The following DPP6 variants were observed in gnomAD, a reference collection of about 807,000 sequenced individuals.
DPP6 encodes dipeptidyl peptidase like 6.
DPP6 carries 69 observed loss-of-function variants against 122.6 expected under a neutral mutation model. The observed-to-expected ratio is 0.56, with a 90% confidence interval of 0.46 to 0.69. The LOEUF (loss-of-function observed/expected upper bound fraction) is 0.69. DPP6 is among the 30% of genes least tolerant of loss of function. The probability of loss-of-function intolerance (pLI) is 0.00; values close to 1 mark genes in which losing one functional copy is unlikely to be tolerated. For synonymous variants in DPP6, 418 were observed against 433.1 expected (o/e 0.97, Z 0.43); for missense variants, 928 against 1,116.9 (o/e 0.83, Z 2.41).
the DPP6 span, among the ~76,000 whole-genome samples, chr7:153,876,308 A>G: frequency 6.6e-6 from 1 of 152,174 alleles, no homozygotes; most frequent in South Asian, 2.1e-4. Flanking sequence ...TAGTTGAAAA[A>G]TACAGAAATA....
At chr7:154,562,646 G>C (rs576411620) in intron 4 of DPP6, among the ~76,000 whole-genome samples, 2 of 152,110 alleles carry the variant, frequency 1.3e-5, no homozygotes, top group African/African-American at 4.8e-5. Flanking sequence ...GAAAAGAAAG[G>C]AAATACCTAT....
Position 154,761,762 on chromosome 7 carries a change from T to C in DPP6, c.884-7655T>C, listed in dbSNP as rs558460689. On this transcript the variant is annotated intron_variant, in intron 8 of 25. Transcript: ENST00000377770. ...ACTTTAAGTTCTAGGGTTTGTTACA[T>C]AGGTATACATGTGCCATGTTGGTGT... is the stretch of plus-strand genomic sequence containing the variant. 2.0e-5 allele frequency among the ~76,000 whole-genome samples: 3 copies of C among 152,234 alleles called. No individual in the cohort carries two copies. The East Asian group carries it at 5.8e-4, about 29-fold the overall frequency.
chr7:154,320,475 G>GTT (rs897766011), intron 1 of DPP6, among the ~76,000 whole-genome samples: 4 of 81,078 alleles, frequency 4.9e-5, no homozygotes, highest in Non-Finnish European at 1.3e-4. Flanking sequence ...ATTGTACTTT[G>GTT]TTTTTTTTTT....
chr7:154,098,683 G>T (rs1001751227), intron 1 of DPP6, among the ~76,000 whole-genome samples: 1 of 151,638 alleles, frequency 6.6e-6, no homozygotes, highest in Admixed American at 6.6e-5. Flanking sequence ...GGCAGAAGAA[G>T]GGTGGATATC....
chr7:154,322,059 A>ACCCCCAG (rs1808018499), intron 1 of DPP6, among the ~76,000 whole-genome samples: 1 of 113,344 alleles, frequency 8.8e-6, no homozygotes, highest in Non-Finnish European at 1.8e-5. Context: ...CCAACCCCCA[A>ACCCCCAG]CCCCCAGCTT....
intron 3 of DPP6, among the ~76,000 whole-genome samples, chr7:154,511,892 A>G (rs1051579716): frequency 2.6e-5 from 4 of 152,218 alleles, no homozygotes; most frequent in African/African-American, 9.6e-5. Context: ...TCCTAATAGA[A>G]TTTGTTAAAA....
At chr7:154,409,982 C>T (rs760206855) in intron 1 of DPP6, among the ~76,000 whole-genome samples, 2 of 152,188 alleles carry the variant, frequency 1.3e-5, no homozygotes, top group Non-Finnish European at 2.9e-5. Context: ...AAGAACATAA[C>T]ATTTAAGCAC....
chr7:154,703,721 A>G (rs1840660876), intron 7 of DPP6, among the ~76,000 whole-genome samples: 1 of 151,964 alleles, frequency 6.6e-6, no homozygotes, highest in Non-Finnish European at 1.5e-5. Context: ...GCAGATCATG[A>G]GGTCAGGAAT....
intron 16 of DPP6, among the ~76,000 whole-genome samples, chr7:154,807,817 A>G (rs1798794984): frequency 6.6e-6 from 1 of 152,276 alleles, no homozygotes; most frequent in African/African-American, 2.4e-5. Context: ...GTGAGACTCC[A>G]TCTCAAATGA....
Position 153,902,475 on chromosome 7 carries a change from G to A in DPP6, c.51+14741G>A, listed in dbSNP as rs1321544254. Reference sequence around the variant, plus strand: ...CCAGATCTTTGGGAACAAGATCCCCGGGTCATAAAGCTAACAAAAGCCCTC... The same window carrying A: ...CCAGATCTTTGGGAACAAGATCCCCAGGTCATAAAGCTAACAAAAGCCCTC... On this transcript the variant is annotated intron_variant, in intron 1 of 25. Coordinates refer to the DPP6 transcript ENST00000404039. Among the ~76,000 whole-genome samples the A allele has an allele frequency of 3.9e-5, 6 of 152,060 alleles. No homozygotes were observed. The East Asian group carries it at 5.8e-4, about 15-fold the overall frequency.
chr7:153,787,018 C>T, the DPP6 span, among the ~76,000 whole-genome samples: 2 of 147,248 alleles, frequency 1.4e-5, no homozygotes, highest in Middle Eastern at 3.5e-3. Context: ...GTGGTGCGAT[C>T]TCAGTTCACT....
At chr7:154,184,153 G>A (rs767695995) in intron 1 of DPP6, among the ~76,000 whole-genome samples, 6 of 151,676 alleles carry the variant, frequency 4.0e-5, no homozygotes, top group Non-Finnish European at 8.8e-5. Flanking sequence ...GCACAGTGAG[G>A]ACCCTCAGCA....
At chr7:153,985,500 C>A (rs1585132491) in intron 1 of DPP6, among the ~76,000 whole-genome samples, 1 of 152,180 alleles carries the variant, frequency 6.6e-6, no homozygotes, top group Admixed American at 6.5e-5. Context: ...TGTGACCAGC[C>A]AGCCTCCCAT....
chr7:154,837,385 C>T (rs571897931), intron 16 of DPP6, among the ~76,000 whole-genome samples: 9 of 152,012 alleles, frequency 5.9e-5, no homozygotes, highest in East Asian at 5.8e-4. Context: ...CACACATGCA[C>T]GCACACATGC....
At chr7:154,748,812 G>A (rs1444701461) in intron 8 of DPP6, among the ~76,000 whole-genome samples, 1 of 152,228 alleles carries the variant, frequency 6.6e-6, no homozygotes, top group Non-Finnish European at 1.5e-5. Context: ...CCGAGGCCTT[G>A]TCCTGCAAGC....
At chr7:153,774,152 G>C in the DPP6 span, among the ~76,000 whole-genome samples, 1 of 152,098 alleles carries the variant, frequency 6.6e-6, no homozygotes, top group Non-Finnish European at 1.5e-5. Flanking sequence ...TTTAGTAAAG[G>C]CTTACTGGAA....
intron 1 of DPP6, among the ~76,000 whole-genome samples, chr7:153,947,164 G>A (rs976365640): frequency 2.6e-5 from 4 of 152,188 alleles, no homozygotes; most frequent in South Asian, 2.1e-4. Context: ...CAGTAGAAGC[G>A]TCCCATTTGG....
At chr7:154,805,174 G>A (rs572430306) in intron 15 of DPP6, among the ~76,000 whole-genome samples, 15 of 152,214 alleles carry the variant, frequency 9.9e-5, no homozygotes, top group Admixed American at 2.0e-4. Context: ...TTATTTTTCT[G>A]CTGTTGTTGA....
At chr7:154,776,407 G>T (rs1027580577) in intron 10 of DPP6, among the ~76,000 whole-genome samples, 8 of 152,064 alleles carry the variant, frequency 5.3e-5, no homozygotes, top group African/African-American at 1.9e-4. Context: ...CAAATATATG[G>T]TTCCCACAGT....
Sources: gnomAD v4.1 joint callset for allele counts (sites outside exome capture counted in the v4.1 genomes callset) on GRCh38, gnomAD v4.1.1 for gene constraint, MANE v1.5 for transcripts, NCBI Gene and HGNC (gene_info 2026-07-23, HGNC 2026-07-21) for gene names.